EPB41L4B: variants seen among roughly 807,000 people sequenced by gnomAD.
EPB41L4B encodes the protein band 4.1-like protein 4B.
Under a neutral mutation model 112.5 loss-of-function variants are expected in EPB41L4B, and 30 were observed. The observed-to-expected ratio is 0.27, with a 90% confidence interval of 0.20 to 0.36. EPB41L4B has a LOEUF of 0.36. Ranked by LOEUF, EPB41L4B falls within the 10% of genes least tolerant of loss-of-function variation. The pLI is 1.00. For missense variants in EPB41L4B, 1,024 were observed against 1,133.3 expected, an observed-to-expected ratio of 0.90 and a Z score of 1.38; for synonymous variants, 408 against 439.7, an observed-to-expected ratio of 0.93 and a Z score of 0.90.
At chr9:109,306,522 A>G (rs1837199031) in intron 1 of EPB41L4B, among the ~76,000 whole-genome samples, 1 of 152,204 alleles carries the variant, frequency 6.6e-6, no homozygotes, top group Non-Finnish European at 1.5e-5. Context: ...CTGAGGCAGG[A>G]GGATAGCTTG....
intron 1 of EPB41L4B, among the ~76,000 whole-genome samples, chr9:109,318,380 C>T (rs553588919): frequency 1.2e-3 from 186 of 152,278 alleles, no homozygotes; most frequent in African/African-American, 4.4e-3. Context: ...ATCAGTCAGC[C>T]TTCCTGTCCC....
chr9:109,233,529 C>CTTT lies in EPB41L4B; in HGVS notation c.1409+10086_1409+10088dup, dbSNP rs1279102986. Among the ~76,000 whole-genome samples the CTTT allele has an allele frequency of 6.1e-4, 81 of 132,664 alleles. 1 individual carries two copies. The highest frequency in any genetic ancestry group is 2.1e-3 in the African/African-American group (72 of 34,140). The allele number at this position is 132,664 out of a possible 152,430, so 87.0% of individuals were successfully genotyped here. A position where few individuals can be genotyped will look rare whatever the true frequency, so the allele number is the denominator to read the frequency against. On this transcript the variant is annotated intron_variant, in intron 15 of 25. Transcript: ENST00000374566. ...TGTTACCTGAATTTCTGGGAACCTACTTTTTTTTTTTTTTTTTTTGAGATG... is the reference window on the plus strand; with the variant it reads ...TGTTACCTGAATTTCTGGGAACCTACTTTTTTTTTTTTTTTTTTTTTTGAGATG...
In EPB41L4B at chr9:109,261,681, C is replaced by T. The variant is rs1032749816; in HGVS notation, c.631+1369G>A. Among the ~76,000 whole-genome samples the T allele has an allele frequency of 5.9e-5, 9 of 152,168 alleles. No homozygotes were observed. The East Asian group carries it at 1.7e-3, about 29-fold the overall frequency. On this transcript the variant is annotated intron_variant, in intron 6 of 25. Transcript: ENST00000374566. Reference sequence around the variant, plus strand: ...AAAATAACATTTTCAAAAGTCCACTCAAAACTCATAGCTAGAAATTCTGGT... The same window carrying T: ...AAAATAACATTTTCAAAAGTCCACTTAAAACTCATAGCTAGAAATTCTGGT...
chr9:109,277,141 G>A (rs986153529), intron 2 of EPB41L4B, among the ~76,000 whole-genome samples: 2 of 152,004 alleles, frequency 1.3e-5, no homozygotes, highest in Non-Finnish European at 2.9e-5. Context: ...AAGACACACA[G>A]GAGAAGGCAG....
intron 22 of EPB41L4B, among the ~76,000 whole-genome samples, chr9:109,186,022 T>C (rs1832251240): frequency 6.6e-6 from 1 of 151,990 alleles, no homozygotes; most frequent in African/African-American, 2.4e-5. Flanking sequence ...CTTAGTGATG[T>C]GAGCCATGGA....
rs116292428 is a variant in EPB41L4B at position 109,180,800 on chromosome 9, T to C, written c.2487+1929A>G. The stretch of plus-strand genomic sequence containing the variant: ...GAAGGAGCTTCAGGGATCATAGAAA[T>C]TGCAAGCTCTGGTTCCCGGGAGGAG... On this transcript the variant is annotated intron_variant, in intron 24 of 25. Coordinates refer to ENST00000374566, the MANE Select transcript of EPB41L4B (RefSeq NM_019114.5). 6.5e-3 allele frequency among the ~76,000 whole-genome samples: 987 copies of C among 152,124 alleles called. 8 individuals carry two copies. Among genetic ancestry groups the C allele is most frequent in the African/African-American group, 0.022 (931 of 41,508 alleles).
chr9:109,175,068 C>T (rs1009485189), intron 25 of EPB41L4B, among the ~76,000 whole-genome samples: 3 of 151,944 alleles, frequency 2.0e-5, no homozygotes, highest in Non-Finnish European at 2.9e-5. Flanking sequence ...AGGCACGTGC[C>T]ACCATGCCAA....
At chr9:109,263,728 A>G (rs1288724182) in intron 5 of EPB41L4B, among the ~76,000 whole-genome samples, 1 of 152,238 alleles carries the variant, frequency 6.6e-6, no homozygotes, top group Non-Finnish European at 1.5e-5. Flanking sequence ...ATATTATCCA[A>G]TTTGGTCAAT....
intron 2 of EPB41L4B, among the ~76,000 whole-genome samples, chr9:109,269,138 T>C (rs1458149056): frequency 6.6e-5 from 10 of 152,192 alleles, no homozygotes; most frequent in African/African-American, 9.7e-5. Flanking sequence ...ATGATACCAA[T>C]AATCTCTCAT....
intron 1 of EPB41L4B, among the ~76,000 whole-genome samples, chr9:109,298,216 A>G (rs1319122015): frequency 6.6e-6 from 1 of 152,134 alleles, no homozygotes; most frequent in Non-Finnish European, 1.5e-5. Context: ...GGTTAGGGTG[A>G]GCTACTGTGA....
chr9:109,228,157 A>C (rs185050424), intron 15 of EPB41L4B, among the ~76,000 whole-genome samples: 73 of 152,334 alleles, frequency 4.8e-4, no homozygotes, highest in African/African-American at 1.6e-3. Flanking sequence ...TTTCACCATT[A>C]AATGTCAGTT....
chr9:109,242,173 A>G (rs1834374688), intron 15 of EPB41L4B, among the ~76,000 whole-genome samples: 1 of 152,254 alleles, frequency 6.6e-6, no homozygotes. Flanking sequence ...AGCATTTGCC[A>G]AAAGTGTTGG....
At chr9:109,192,649 G>C (rs764561660) in intron 21 of EPB41L4B, among the ~76,000 whole-genome samples, 1 of 152,090 alleles carries the variant, frequency 6.6e-6, no homozygotes, top group Non-Finnish European at 1.5e-5. Flanking sequence ...AAAAACACTT[G>C]AAAGAGTCCT....
intron 6 of EPB41L4B, among the ~76,000 whole-genome samples, chr9:109,259,224 C>T (rs1281866975): frequency 6.6e-6 from 1 of 152,222 alleles, no homozygotes; most frequent in African/African-American, 2.4e-5. Context: ...ACAAGATGCC[C>T]AGGTCACAGG....
At chr9:109,271,710 G>C (rs1026200314) in intron 2 of EPB41L4B, among the ~76,000 whole-genome samples, 2 of 152,124 alleles carry the variant, frequency 1.3e-5, no homozygotes, top group African/African-American at 4.8e-5. Flanking sequence ...CCGCCTGTGG[G>C]TAAACGCCAA....
intron 5 of EPB41L4B, among the ~76,000 whole-genome samples, chr9:109,263,337 C>T (rs919610696): frequency 5.3e-5 from 8 of 152,178 alleles, no homozygotes; most frequent in South Asian, 2.1e-4. Context: ...TTCTATCAAT[C>T]GTGTACAATT....
intron 20 of EPB41L4B, among the ~76,000 whole-genome samples, chr9:109,197,555 T>A (rs955166783): frequency 6.6e-6 from 1 of 152,112 alleles, no homozygotes; most frequent in Non-Finnish European, 1.5e-5. Context: ...TTTCTACTAA[T>A]GGGGAAAATG....
intron 15 of EPB41L4B, 147 bp downstream of exon 15, chr9:109,243,471 T>C: frequency 1.5e-6 from 1 of 673,146 alleles, no homozygotes; most frequent in Non-Finnish European, 2.5e-6. Context: ...ACCTTTGCTT[T>C]GAAAATTTAT....
intron 1 of EPB41L4B, among the ~76,000 whole-genome samples, chr9:109,283,933 A>T (rs1445823573): frequency 2.6e-5 from 2 of 77,346 alleles, no homozygotes; most frequent in Non-Finnish European, 2.7e-5. Context: ...CAAAAAAGTA[A>T]AAAAAAAAAA....
Sources: allele counts gnomAD v4.1 joint callset (sites outside exome capture counted in the v4.1 genomes callset), GRCh38; gene constraint gnomAD v4.1.1; transcripts MANE v1.5; gene names NCBI Gene and HGNC (gene_info 2026-07-23, HGNC 2026-07-21).